The following ATP10B variants were observed in gnomAD, a reference collection of about 807,000 sequenced individuals.
The protein encoded by ATP10B is ATPase phospholipid transporting 10B (putative).
A neutral mutation model predicts 141.2 loss-of-function variants in ATP10B; 122 were observed. The ratio of observed to expected loss-of-function variants is 0.86; its 90% confidence interval spans 0.75 to 1.00. The LOEUF (loss-of-function observed/expected upper bound fraction) is 1.00, where lower values mean the gene tolerates loss of function less well. Ranked by LOEUF, ATP10B falls within the 50% of genes least tolerant of loss-of-function variation. The pLI, the probability that ATP10B is intolerant of heterozygous loss-of-function variation, is 0.00. For missense variants in ATP10B, 1,876 were observed against 1,825.3 expected (o/e 1.03, Z -0.51); for synonymous variants, 685 against 692.0 (o/e 0.99, Z 0.16).
In ATP10B at chr5:160,633,849, A is replaced by G. The variant is rs568301094; in HGVS notation, c.1381+505T>C. The G allele has an allele frequency of 1.6e-4, 45 of 274,158 alleles. 1 individual carries two copies. Among genetic ancestry groups the G allele is most frequent in the Middle Eastern group, 1.3e-3 (1 of 754 alleles). 17.0% of individuals were successfully genotyped at this position (274,158 alleles called of 1,614,324 possible). ...GTCCATGCAAGGTAACAGTCCAGGC[A>G]TTTTATAGCCCTATCTCCTAAATCA... On this transcript the variant is annotated intron_variant, in intron 12 of 25. Transcript: ENST00000327245.
chr5:160,714,471 C>T (rs1161597217), intron 3 of ATP10B, among the ~76,000 whole-genome samples: 3 of 16,440 alleles, frequency 1.8e-4, no homozygotes, highest in Non-Finnish European at 3.3e-4. Context: ...TCCATCAGCT[C>T]CTTTAAGCAC....
intron 1 of ATP10B, among the ~76,000 whole-genome samples, chr5:160,793,334 C>A (rs182508402): frequency 5.3e-5 from 8 of 152,126 alleles, no homozygotes; most frequent in Non-Finnish European, 1.0e-4. Context: ...TGTTCCAAAG[C>A]CTTTTACAAT....
intron 1 of ATP10B, among the ~76,000 whole-genome samples, chr5:160,829,680 G>A (rs1374496773): frequency 1.3e-5 from 2 of 152,000 alleles, no homozygotes; most frequent in African/African-American, 2.4e-5. Flanking sequence ...CATCTCATTC[G>A]TTAGCTGGAT....
At chr5:160,878,273 G>A in the ATP10B span, among the ~76,000 whole-genome samples, 4 of 151,718 alleles carry the variant, frequency 2.6e-5, no homozygotes, top group Non-Finnish European at 5.9e-5. Context: ...AGAAAAACAA[G>A]CAATGGGGAA....
intron 2 of ATP10B, among the ~76,000 whole-genome samples, chr5:160,736,113 GAAGAA>G (rs1767097900): frequency 6.6e-6 from 1 of 151,862 alleles, no homozygotes; most frequent in African/African-American, 2.4e-5. Flanking sequence ...AAAATTAGTC[GAAGAA>G]AAGAAATAAA....
the ATP10B span, among the ~76,000 whole-genome samples, chr5:160,883,771 A>G: frequency 6.6e-6 from 1 of 152,188 alleles, no homozygotes; most frequent in African/African-American, 2.4e-5. Flanking sequence ...TATAGATTAA[A>G]GGAGTTTAAA....
At chr5:160,802,156 G>A (rs1772416751) in intron 1 of ATP10B, among the ~76,000 whole-genome samples, 2 of 152,244 alleles carry the variant, frequency 1.3e-5, no homozygotes, top group South Asian at 4.2e-4. Context: ...ATTAGGTGCG[G>A]AGAAACAATT....
the ATP10B span, among the ~76,000 whole-genome samples, chr5:160,918,732 G>T: frequency 6.6e-6 from 1 of 152,174 alleles, no homozygotes; most frequent in Non-Finnish European, 1.5e-5. Flanking sequence ...TAACATCTCA[G>T]AATGTCCACC....
intron 8 of ATP10B, among the ~76,000 whole-genome samples, chr5:160,647,189 G>A (rs1031173454): frequency 6.6e-6 from 1 of 152,200 alleles, no homozygotes; most frequent in African/African-American, 2.4e-5. Context: ...TAGCCAGCCT[G>A]TGCAGCCTCA....
intron 1 of ATP10B, among the ~76,000 whole-genome samples, chr5:160,798,262 G>A (rs1258256324): frequency 1.3e-5 from 2 of 152,074 alleles, no homozygotes; most frequent in African/African-American, 4.8e-5. Flanking sequence ...AGGGAAGGGG[G>A]TTATATTGGG....
intron 24 of ATP10B, among the ~76,000 whole-genome samples, chr5:160,582,947 T>C (rs1156939189): frequency 1.3e-5 from 2 of 152,250 alleles, no homozygotes; most frequent in Non-Finnish European, 2.9e-5. Flanking sequence ...TATGTTCTTC[T>C]CTAAACTGGT....
At position 160,740,329 on chromosome 5, in the gene ATP10B, T is replaced by G. The variant is rs146671465; in HGVS notation, c.-330-23295A>C. 8.1e-4 allele frequency among the ~76,000 whole-genome samples: 123 copies of G among 152,364 alleles called. 2 individuals are homozygous for G. In the East Asian group the frequency reaches 0.017, roughly 21 times the overall value. On this transcript the variant is annotated intron_variant, in intron 2 of 25. Transcript: ENST00000327245. ...ATTTTTGCATATACTATAACTTCAT[T>G]GAACTTCAGGAGAACTCACAGAACA...
intron 2 of ATP10B, among the ~76,000 whole-genome samples, chr5:160,731,410 T>C (rs2915802): frequency 0.4 from 60,848 of 152,068 alleles, 12,758 homozygotes; most frequent in South Asian, 0.52. Flanking sequence ...CTAATGGCTT[T>C]GCAAGAGTTT....
chr5:160,681,957 T>C (rs113738574), intron 6 of ATP10B, among the ~76,000 whole-genome samples: 5 of 152,210 alleles, frequency 3.3e-5, no homozygotes, highest in African/African-American at 1.2e-4. Flanking sequence ...GATAAATGCA[T>C]GGCCTCCCCA....
the ATP10B span, among the ~76,000 whole-genome samples, chr5:160,862,800 A>T: frequency 1.3e-5 from 2 of 151,986 alleles, no homozygotes; most frequent in Non-Finnish European, 1.5e-5. Context: ...ACATATTTGC[A>T]GAAATAGATA....
At chr5:160,621,414 A>G (rs1581213827) in intron 14 of ATP10B, among the ~76,000 whole-genome samples, 2 of 152,304 alleles carry the variant, frequency 1.3e-5, no homozygotes, top group Admixed American at 6.5e-5. Context: ...CTCTTGAGCT[A>G]CCTGCCAGCT....
At chr5:160,770,559 A>G (rs1442308397) in intron 2 of ATP10B, among the ~76,000 whole-genome samples, 1 of 152,118 alleles carries the variant, frequency 6.6e-6, no homozygotes, top group Non-Finnish European at 1.5e-5. Flanking sequence ...TTATTCAGGA[A>G]CCCTAAGGAA....
chr5:160,793,476 T>C (rs1703990703), intron 1 of ATP10B, among the ~76,000 whole-genome samples: 1 of 152,232 alleles, frequency 6.6e-6, no homozygotes, highest in South Asian at 2.1e-4. Flanking sequence ...ATGAAGTATT[T>C]ATATTGTAAA....
intron 6 of ATP10B, among the ~76,000 whole-genome samples, chr5:160,674,392 C>G (rs900134838): frequency 2.0e-5 from 3 of 152,330 alleles, no homozygotes; most frequent in Non-Finnish European, 4.4e-5. Flanking sequence ...TGAGCTGTCA[C>G]TTCTGTGAGC....
Sources: allele counts gnomAD v4.1 joint callset (sites outside exome capture counted in the v4.1 genomes callset), GRCh38; gene constraint gnomAD v4.1.1; transcripts MANE v1.5; gene names NCBI Gene and HGNC (gene_info 2026-07-23, HGNC 2026-07-21).